MBD5: variants seen among roughly 807,000 people sequenced by gnomAD.
The protein encoded by MBD5 is methyl-CpG-binding domain protein 5.
MBD5 carries 13 observed loss-of-function variants against 117.3 expected under a neutral mutation model. The observed-to-expected ratio is 0.11, with a 90% CI of 0.07 to 0.18. The LOEUF (loss-of-function observed/expected upper bound fraction) is 0.18, where lower values mean the gene tolerates loss of function less well. Ranked by LOEUF, MBD5 falls within the 10% of genes least tolerant of loss-of-function variation. The probability of loss-of-function intolerance (pLI) is 1.00; values close to 1 mark genes in which losing one functional copy is unlikely to be tolerated. For missense variants in MBD5, 1,879 were observed against 2,093.8 expected (o/e 0.90, Z 2.00); for synonymous variants, 727 against 766.4 (o/e 0.95, Z 0.85).
chr2:148,279,076 A>C (rs1701179425), intron 3 of MBD5, among the ~76,000 whole-genome samples: 1 of 152,088 alleles, frequency 6.6e-6, no homozygotes, highest in African/African-American at 2.4e-5. Flanking sequence ...CCACCAACTC[A>C]CATGCCAGTC....
Position 148,296,863 on chromosome 2 carries a change from A to ATTTTTTTTTTTTTTTTTTTTTTTTTTT in MBD5, c.-679-45351_-679-45350insTTTTTTTTTTTTTTTTTTTTTTTTTTT, listed in dbSNP as rs1559010681. ...TAAGCATAGTTTGCTTTAGTTCTTCAATTTTTTTTTTTTTTTTTTTTGGAG... is the reference window on the plus strand; with the variant it reads ...TAAGCATAGTTTGCTTTAGTTCTTCATTTTTTTTTTTTTTTTTTTTTTTTTTTATTTTTTTTTTTTTTTTTTTTGGAG... On this transcript the variant is annotated intron_variant, in intron 3 of 13. Transcript: ENST00000642680. Among the ~76,000 whole-genome samples, 83 of 37,710 alleles carry ATTTTTTTTTTTTTTTTTTTTTTTTTTT rather than the reference A, an allele frequency of 2.2e-3. 22 individuals are homozygous for ATTTTTTTTTTTTTTTTTTTTTTTTTTT. Among genetic ancestry groups the ATTTTTTTTTTTTTTTTTTTTTTTTTTT allele is most frequent in the Non-Finnish European group, 3.4e-3 (64 of 18,970 alleles). 24.7% of individuals were successfully genotyped at this position (37,710 alleles called of 152,430 possible). A position where few individuals can be genotyped will look rare whatever the true frequency, so the allele number is the denominator to read the frequency against.
rs758308500 is a variant in MBD5 at position 148,485,938 on chromosome 2, T to G, written c.3741T>G (p.Phe1247Leu). Reference sequence around the variant, plus strand: ...ACAATAACCCCATGGCTTGTCTGTTTCAGAACTTTCAGGTACTCTCCTCTG... The same window carrying G: ...ACAATAACCCCATGGCTTGTCTGTTGCAGAACTTTCAGGTACTCTCCTCTG... Reference protein sequence around the residue: ...PANNNPMACLFQNFQVRMQED... With the variant: ...PANNNPMACLLQNFQVRMQED... Residue 1247 changes from phenylalanine to leucine, a missense_variant, in exon 10 of 14, where the codon TTT becomes TTG. By Grantham distance (22) the Phe-to-Leu change is conservative. Coordinates refer to ENST00000642680, the MANE Select transcript of MBD5 (RefSeq NM_001378120.1). 1 of 1,613,944 alleles carries G rather than the reference T, an allele frequency of 6.2e-7. No homozygotes were observed. Among genetic ancestry groups the G allele is most frequent in the Non-Finnish European group, 8.5e-7 (1 of 1,179,814 alleles).
chr2:148,165,211 C>A (rs1558954835), intron 1 of MBD5, among the ~76,000 whole-genome samples: 1 of 152,000 alleles, frequency 6.6e-6, no homozygotes, highest in Non-Finnish European at 1.5e-5. Flanking sequence ...CCTCTTTTAT[C>A]TTTTTTATGT....
At chr2:148,327,074 T>G (rs1163668890) in intron 3 of MBD5, among the ~76,000 whole-genome samples, 3 of 152,054 alleles carry the variant, frequency 2.0e-5, no homozygotes, top group Admixed American at 6.5e-5. Context: ...TGTAAAGTAT[T>G]TTATTTCTCC....
At chr2:148,493,153 G>T (rs4265953) in intron 11 of MBD5, among the ~76,000 whole-genome samples, 85,817 of 152,072 alleles carry the variant, frequency 0.56, 27,096 homozygotes, top group Non-Finnish European at 0.71. Context: ...TTCTCATTCC[G>T]CCTTGCTAAT....
At chr2:148,049,663 A>G (rs574352445) in intron 1 of MBD5, among the ~76,000 whole-genome samples, 7 of 152,236 alleles carry the variant, frequency 4.6e-5, no homozygotes, top group African/African-American at 1.4e-4. Context: ...TAATTCCAGA[A>G]TATTTCTATC....
At chr2:148,460,735 G>C (rs1472442356) in intron 5 of MBD5, among the ~76,000 whole-genome samples, 1 of 152,100 alleles carries the variant, frequency 6.6e-6, no homozygotes, top group African/African-American at 2.4e-5. Context: ...GAAGCCAACT[G>C]ACTTTTTGAG....
intron 1 of MBD5, among the ~76,000 whole-genome samples, chr2:148,126,754 C>A (rs59463463): frequency 0.081 from 12,335 of 152,060 alleles, 638 homozygotes; most frequent in African/African-American, 0.14. Flanking sequence ...AGTTGGGAAT[C>A]TCTTATCCAA....
chr2:148,364,672 A>C (rs1344619818), intron 4 of MBD5, among the ~76,000 whole-genome samples: 1 of 152,212 alleles, frequency 6.6e-6, no homozygotes, highest in African/African-American at 2.4e-5. Context: ...GGAAAGCAAT[A>C]AAAAGCAGGG....
intron 4 of MBD5, among the ~76,000 whole-genome samples, chr2:148,415,786 T>G (rs556085004): frequency 1.3e-5 from 2 of 152,358 alleles, no homozygotes; most frequent in East Asian, 3.9e-4. Context: ...TATAAAATTC[T>G]TGTAGTGTGT....
At chr2:148,230,929 G>A (rs934275318) in intron 2 of MBD5, among the ~76,000 whole-genome samples, 3 of 152,194 alleles carry the variant, frequency 2.0e-5, no homozygotes, top group African/African-American at 7.2e-5. Flanking sequence ...AGATCCCAGA[G>A]TCCTCTTTAT....
chr2:148,130,607 G>A (rs901161886), intron 1 of MBD5, among the ~76,000 whole-genome samples: 10 of 151,400 alleles, frequency 6.6e-5, no homozygotes, highest in African/African-American at 9.7e-5. Context: ...CTCACAGACC[G>A]GTTAAATTAC....
intron 2 of MBD5, among the ~76,000 whole-genome samples, chr2:148,212,842 G>A (rs2106019346): frequency 6.6e-6 from 1 of 152,116 alleles, no homozygotes; most frequent in Middle Eastern, 3.4e-3. Context: ...CTAAATATAA[G>A]GCATCTCATT....
chr2:148,364,722 A>G (rs1158452970), intron 4 of MBD5, among the ~76,000 whole-genome samples: 1 of 152,210 alleles, frequency 6.6e-6, no homozygotes, highest in African/African-American at 2.4e-5. Flanking sequence ...GTTTAAACCA[A>G]TAAAGATCAA....
intron 1 of MBD5, among the ~76,000 whole-genome samples, chr2:148,058,130 T>G (rs1044724744): frequency 8.6e-5 from 13 of 152,016 alleles, no homozygotes; most frequent in African/African-American, 3.1e-4. Flanking sequence ...TTTACTTCAT[T>G]TGGGGTCTGC....
intron 4 of MBD5, among the ~76,000 whole-genome samples, chr2:148,393,579 C>T (rs915930868): frequency 6.6e-6 from 1 of 152,150 alleles, no homozygotes; most frequent in Non-Finnish European, 1.5e-5. Flanking sequence ...GATCCCTATG[C>T]ACCAACACTA....
intron 1 of MBD5, among the ~76,000 whole-genome samples, chr2:148,143,891 T>G (rs558535105): frequency 6.2e-4 from 95 of 152,158 alleles, no homozygotes; most frequent in Non-Finnish European, 1.0e-3. Context: ...TTTGCTATTG[T>G]GAATAGTGCC....
chr2:148,437,884 C>T (rs528911809), intron 4 of MBD5, among the ~76,000 whole-genome samples: 1 of 152,230 alleles, frequency 6.6e-6, no homozygotes, highest in African/African-American at 2.4e-5. Flanking sequence ...TAATCAAAAG[C>T]CTTAATAGGT....
intron 3 of MBD5, among the ~76,000 whole-genome samples, chr2:148,267,933 G>A (rs995228566): frequency 2.7e-5 from 4 of 145,538 alleles, no homozygotes; most frequent in South Asian, 2.2e-4. Flanking sequence ...TTTCTCTCTC[G>A]CTCTCTTTTC....
Sources: allele counts gnomAD v4.1 joint callset (sites outside exome capture counted in the v4.1 genomes callset), GRCh38; gene constraint gnomAD v4.1.1; transcripts MANE v1.5; gene names NCBI Gene and HGNC (gene_info 2026-07-23, HGNC 2026-07-21).